Variants in ADAT1 observed in about 807,000 individuals in gnomAD.
ADAT1 encodes adenosine deaminase tRNA specific 1.
A neutral mutation model predicts 58.6 loss-of-function variants in ADAT1; 58 were observed. The observed-to-expected ratio is 0.99, with a 90% CI of 0.80 to 1.23. The LOEUF is 1.23. Among genes scored for constraint, ADAT1 ranks in the 50% most tolerant of loss-of-function variants. The pLI is 0.00. For synonymous variants in ADAT1, 254 were observed against 220.8 expected (o/e 1.15, Z -1.33); for missense variants, 741 against 608.6 (o/e 1.22, Z -2.29).
intron 6 of ADAT1, among the ~76,000 whole-genome samples, chr16:75,611,926 C>T (rs1462499987): frequency 9.9e-5 from 15 of 151,520 alleles, no homozygotes; most frequent in African/African-American, 2.7e-4. Flanking sequence ...GGCGTGGTGG[C>T]GCATGCCTGT....
At chr16:75,604,458 T>A (rs78561637) in intron 8 of ADAT1, among the ~76,000 whole-genome samples, 6,984 of 30,334 alleles carry the variant, frequency 0.23, 525 homozygotes, top group East Asian at 0.39. Flanking sequence ...AAAAAAAAAA[T>A]ATATATATAT....
chr16:75,612,201 C>G, intron 6 of ADAT1, 42 bp downstream of exon 6: 1 of 1,591,638 alleles, frequency 6.3e-7, no homozygotes, highest in South Asian at 1.1e-5. Flanking sequence ...CAGACTGCCT[C>G]TTGGAATGAC....
At chr16:75,605,399 G>C (rs2081342884) in intron 8 of ADAT1, among the ~76,000 whole-genome samples, 2 of 152,116 alleles carry the variant, frequency 1.3e-5, no homozygotes, top group South Asian at 4.2e-4. Context: ...TATTCCTTAT[G>C]ATTTTCTTAA....
Position 75,612,374 on chromosome 16 carries a change from G to C in ADAT1, c.912C>G (p.Ala304=), listed in dbSNP as rs2081566087. Residue 304 remains alanine (A), a synonymous_variant, in exon 6 of 10, where the codon GCC becomes GCG. Coordinates refer to ENST00000564657, the MANE Select transcript of ADAT1 (RefSeq NM_001324445.2). ...CTTGGCATCCGAGGACGTTCCATCGGGCCATCTTGTCACTACAGGACATGG... is the reference window on the plus strand; with the variant it reads ...CTTGGCATCCGAGGACGTTCCATCGCGCCATCTTGTCACTACAGGACATGG... ...TRSMSCSDKM[A]RWNVLGCQGA... The C allele has an allele frequency of 4.3e-6, 7 of 1,614,152 alleles. No homozygotes were observed. Among genetic ancestry groups the C allele is most frequent in the Non-Finnish European group, 5.9e-6 (7 of 1,180,038 alleles).
At position 75,612,577 on chromosome 16, in the gene ADAT1, C is replaced by T; in HGVS notation, c.709G>A (p.Val237Ile). Residue 237 changes from valine (V) to isoleucine (I), a missense_variant, in exon 6 of 10, where the codon GTA becomes ATA. By Grantham distance (29) the Val-to-Ile change is conservative. Transcript: ENST00000564657. ...SPGIHSCDLTVEGLATVTRIA... is the reference protein window; with the variant it reads ...SPGIHSCDLTIEGLATVTRIA... Reference sequence around the variant, plus strand: ...CTGGTGACAGTAGCCAGTCCCTCTACAGTGAGATCACAGCTGTGGATGCCT... The same window carrying T: ...CTGGTGACAGTAGCCAGTCCCTCTATAGTGAGATCACAGCTGTGGATGCCT... The T allele has an allele frequency of 2.5e-6, 4 of 1,614,108 alleles. No homozygotes were observed. The highest frequency in any genetic ancestry group is 3.4e-6 in the Non-Finnish European group (4 of 1,180,030).
At chr16:75,619,499 C>G (rs753626604) in intron 3 of ADAT1, 6 of 413,338 alleles carry the variant, frequency 1.5e-5, no homozygotes. Context: ...ATAGTACCAC[C>G]GTACTTCAGT....
rs2081175119 is a variant in ADAT1 at position 75,599,789 on chromosome 16, G to T, written c.*427C>A. The T allele has an allele frequency of 4.0e-6, 4 of 992,678 alleles. No individual in the cohort carries two copies. The highest frequency in any genetic ancestry group is 4.8e-6 in the Non-Finnish European group (4 of 834,336). 61.5% of individuals were successfully genotyped at this position (992,678 alleles called of 1,614,324 possible). On this transcript the variant is annotated 3_prime_UTR_variant, in exon 10 of 10. Coordinates refer to ENST00000564657, the MANE Select transcript of ADAT1 (RefSeq NM_001324445.2). ...GGAAAAGAATGGCTCCCTGAAGAAA[G>T]AAAGGCTGGGAATACAAAATATATA... is the stretch of plus-strand genomic sequence containing the variant.
At position 75,612,368 on chromosome 16, in the gene ADAT1, C is replaced by T. The variant is rs762162638; in HGVS notation, c.918G>A (p.Trp306Ter). 5 of 1,614,134 alleles carry T rather than the reference C, an allele frequency of 3.1e-6. No homozygotes were observed. The highest frequency in any genetic ancestry group is 4.2e-6 in the Non-Finnish European group (5 of 1,180,056). ...GTGCCCCTTGGCATCCGAGGACGTT[C>T]CATCGGGCCATCTTGTCACTACAGG... is the stretch of plus-strand genomic sequence containing the variant. Reference protein sequence around the residue: ...SMSCSDKMARWNVLGCQGALL... With the variant: ...SMSCSDKMAR Residue 306 changes from tryptophan to a stop codon, truncating the protein, a stop_gained, in exon 6 of 10, where the codon TGG (tryptophan) becomes TGA (stop). Coordinates refer to ENST00000564657, the MANE Select transcript of ADAT1 (RefSeq NM_001324445.2). LOFTEE classifies it high-confidence loss of function.
At chr16:75,612,157 T>C in intron 6 of ADAT1, 86 bp downstream of exon 6, 1 of 1,410,470 alleles carries the variant, frequency 7.1e-7, no homozygotes, top group South Asian at 1.4e-5. Context: ...GATCAAAAGG[T>C]ATGGAGATTC....
At chr16:75,613,048 T>C (rs1032074235) in intron 5 of ADAT1, among the ~76,000 whole-genome samples, 187 bp from the exon 6 acceptor site, 6 of 152,094 alleles carry the variant, frequency 3.9e-5, no homozygotes, top group Non-Finnish European at 7.4e-5. Flanking sequence ...GTGATTCTGA[T>C]GCAAGCTCAA....
At chr16:75,619,029 T>G (rs978794807) in intron 3 of ADAT1, among the ~76,000 whole-genome samples, 2 of 152,166 alleles carry the variant, frequency 1.3e-5, no homozygotes, top group African/African-American at 4.8e-5. Flanking sequence ...AAACATTAAT[T>G]TATAGAAAAA....
rs1194644605 is a variant in ADAT1 at position 75,597,864 on chromosome 16, C to T, written c.*2352G>A. On this transcript the variant is annotated 3_prime_UTR_variant, in exon 10 of 10. Transcript: ENST00000564657. ...GGAGGAGCTACGGCAGAAATGTGAG[C>T]GATGGGGGGCAGCCATAAATACAGA... Among the ~76,000 whole-genome samples, 4 of 152,188 alleles carry T rather than the reference C, an allele frequency of 2.6e-5. No individual in the cohort carries two copies. Among genetic ancestry groups the T allele is most frequent in the Non-Finnish European group, 4.4e-5 (3 of 68,030 alleles).
intron 4 of ADAT1, among the ~76,000 whole-genome samples, chr16:75,617,512 TA>T (rs898539361): frequency 1.7e-4 from 26 of 152,254 alleles, no homozygotes; most frequent in African/African-American, 6.0e-4. Flanking sequence ...CTCATATCTG[TA>T]ACCCCAGCTA....
chr16:75,612,570 C>T lies in ADAT1; in HGVS notation c.716G>A (p.Gly239Glu). ...GIHSCDLTVEGLATVTRIAPG... is the reference protein window; with the variant it reads ...GIHSCDLTVEELATVTRIAPG... The stretch of plus-strand genomic sequence containing the variant: ...GGCTATTCTGGTGACAGTAGCCAGT[C>T]CCTCTACAGTGAGATCACAGCTGTG... The change falls in exon 6 of 10, where the codon GGA becomes GAA. Residue 239 changes from glycine (G) to glutamate (E), a missense_variant. By Grantham distance (98) the Gly-to-Glu change is moderately conservative. Transcript: ENST00000564657. The T allele has an allele frequency of 6.2e-7, 1 of 1,614,102 alleles. No individual in the cohort carries two copies. Among genetic ancestry groups the T allele is most frequent in the Non-Finnish European group, 8.5e-7 (1 of 1,180,034 alleles).
intron 5 of ADAT1, among the ~76,000 whole-genome samples, chr16:75,613,222 T>A (rs2081604670): frequency 6.6e-6 from 1 of 152,204 alleles, no homozygotes. Context: ...AAATGGAATA[T>A]TTTAACAAAG....
chr16:75,615,156 G>A (rs2151771294), intron 5 of ADAT1, among the ~76,000 whole-genome samples: 1 of 151,320 alleles, frequency 6.6e-6, no homozygotes, highest in East Asian at 2.0e-4. Context: ...GGACCCGGGA[G>A]GTGGAGATTG....
Position 75,599,310 on chromosome 16 carries a change from G to C in ADAT1, c.*906C>G, listed in dbSNP as rs1413747994. 7.4e-6 allele frequency: 7 copies of C among 950,362 alleles called. No individual in the cohort carries two copies. The highest frequency in any genetic ancestry group is 8.8e-6 in the Non-Finnish European group (7 of 798,002). The allele number at this position is 950,362 out of a possible 1,614,324, so 58.9% of individuals were successfully genotyped here. On this transcript the variant is annotated 3_prime_UTR_variant, in exon 10 of 10. Coordinates refer to ENST00000564657, the MANE Select transcript of ADAT1 (RefSeq NM_001324445.2). Reference sequence around the variant, plus strand: ...TTGGCCAGGCTGGTCTTGAACTCCTGACCTCAAGTGATCTGCCTGCCTGGG... The same window carrying C: ...TTGGCCAGGCTGGTCTTGAACTCCTCACCTCAAGTGATCTGCCTGCCTGGG...
intron 6 of ADAT1, among the ~76,000 whole-genome samples, chr16:75,611,941 C>T (rs1183325700): frequency 2.0e-5 from 3 of 151,846 alleles, no homozygotes; most frequent in African/African-American, 4.8e-5. Flanking sequence ...GCCTGTAGTC[C>T]CAGCTACTCA....
chr16:75,602,972 A>G lies in ADAT1; in HGVS notation c.1376+113T>C, dbSNP rs558747438. On this transcript the variant is annotated intron_variant, in intron 9 of 9. Coordinates refer to ENST00000564657, the MANE Select transcript of ADAT1 (RefSeq NM_001324445.2). ...AAAGAAGAACTTGTGGTCAACAATAAGTGCCACTGGCTTGCTGAACCACCA... is the reference window on the plus strand; with the variant it reads ...AAAGAAGAACTTGTGGTCAACAATAGGTGCCACTGGCTTGCTGAACCACCA... 1.7e-5 allele frequency: 15 copies of G among 862,968 alleles called. No individual in the cohort carries two copies. The East Asian group carries it at 3.7e-4, about 21-fold the overall frequency. 53.5% of individuals were successfully genotyped at this position (862,968 alleles called of 1,614,324 possible). A position where few individuals can be genotyped will look rare whatever the true frequency, so the allele number is the denominator to read the frequency against.
Sources: allele counts gnomAD v4.1 joint callset (sites outside exome capture counted in the v4.1 genomes callset), GRCh38; gene constraint gnomAD v4.1.1; transcripts MANE v1.5; gene names NCBI Gene and HGNC (gene_info 2026-07-23, HGNC 2026-07-21).